Variants in LYRM4 observed in about 807,000 individuals in gnomAD.
The protein encoded by LYRM4 is LYR motif-containing protein 4.
Under a neutral mutation model 11.7 loss-of-function variants are expected in LYRM4, and 9 were observed. The ratio of observed to expected loss-of-function variants is 0.77; its 90% confidence interval spans 0.46 to 1.34. The LOEUF (loss-of-function observed/expected upper bound fraction) is 1.34. LYRM4 is among the 40% of genes most tolerant of loss of function. LYRM4 has a pLI of 0.00. For missense variants in LYRM4, 133 were observed against 112.5 expected, an observed-to-expected ratio of 1.18 and a Z score of -0.82; for synonymous variants, 42 against 40.4, an observed-to-expected ratio of 1.04 and a Z score of -0.15.
chr6:5,195,830 G>A (rs1761020566), intron 2 of LYRM4, among the ~76,000 whole-genome samples: 1 of 152,130 alleles, frequency 6.6e-6, no homozygotes, highest in East Asian at 1.9e-4. Context: ...TAAGCTGCAT[G>A]AGGGCAGGGG....
At chr6:5,177,410 G>C (rs1213410902) in intron 2 of LYRM4, among the ~76,000 whole-genome samples, 1 of 152,184 alleles carries the variant, frequency 6.6e-6, no homozygotes, top group Non-Finnish European at 1.5e-5. Flanking sequence ...AGCCTACCCA[G>C]CTCTCCGGGA....
At chr6:5,098,527 C>T in the LYRM4 span, among the ~76,000 whole-genome samples, 1 of 152,230 alleles carries the variant, frequency 6.6e-6, no homozygotes, top group Non-Finnish European at 1.5e-5. Context: ...ACCAGAACAA[C>T]CCCATGATCC....
At chr6:5,174,229 T>C (rs545119880) in intron 2 of LYRM4, among the ~76,000 whole-genome samples, 1 of 152,288 alleles carries the variant, frequency 6.6e-6, no homozygotes, top group East Asian at 1.9e-4. Flanking sequence ...TGTTTAGAGC[T>C]TACAACGCAT....
At chr6:5,226,593 T>C (rs991479803) in intron 1 of LYRM4, among the ~76,000 whole-genome samples, 8 of 152,124 alleles carry the variant, frequency 5.3e-5, no homozygotes, top group African/African-American at 1.9e-4. Flanking sequence ...GTCAAGCTGG[T>C]CTCAAACTCC....
At chr6:5,147,702 C>T (rs763894030) in intron 2 of LYRM4, among the ~76,000 whole-genome samples, 1 of 152,196 alleles carries the variant, frequency 6.6e-6, no homozygotes, top group Non-Finnish European at 1.5e-5. Flanking sequence ...CATGTAGAGA[C>T]GTCCATCTCC....
chr6:5,063,355 T>G, the LYRM4 span, among the ~76,000 whole-genome samples: 1 of 151,758 alleles, frequency 6.6e-6, no homozygotes, highest in Non-Finnish European at 1.5e-5. Context: ...TCTGGGGAGA[T>G]TGGAGTCCCT....
chr6:5,086,631 G>A, the LYRM4 span: 1 of 1,260,692 alleles, frequency 7.9e-7, no homozygotes, highest in Non-Finnish European at 1.1e-6. Flanking sequence ...GCCGCCTCAA[G>A]GAACTTGCTG....
At chr6:5,230,864 G>A (rs1763197014) in intron 1 of LYRM4, among the ~76,000 whole-genome samples, 1 of 152,154 alleles carries the variant, frequency 6.6e-6, no homozygotes, top group Non-Finnish European at 1.5e-5. Flanking sequence ...TTCTGGACAC[G>A]TCATCAAGGA....
At chr6:5,108,324 G>A (rs756837334), downstream of LYRM4, 3 of 473,378 alleles carry the variant, frequency 6.3e-6, no homozygotes, top group Non-Finnish European at 8.3e-6. Flanking sequence ...ACAAGAAACC[G>A]CTCTGCCAGG....
chr6:5,166,096 G>A (rs563675995), intron 2 of LYRM4, among the ~76,000 whole-genome samples: 5 of 152,136 alleles, frequency 3.3e-5, no homozygotes, highest in African/African-American at 4.8e-5. Flanking sequence ...CATGAGAATA[G>A]CAAGTGCCGT....
the LYRM4 span, among the ~76,000 whole-genome samples, chr6:5,071,532 T>TTATA: frequency 0.012 from 1,831 of 150,884 alleles, 21 homozygotes; most frequent in Middle Eastern, 0.038. Flanking sequence ...ATGATAAACT[T>TTATA]TATATATATA....
chr6:5,064,011 C>T, the LYRM4 span, among the ~76,000 whole-genome samples: 5 of 152,232 alleles, frequency 3.3e-5, no homozygotes, highest in East Asian at 1.9e-4. Context: ...GTGAGGTTCA[C>T]GGCTGAGTTC....
At chr6:5,090,043 A>ACACACACACAC in the LYRM4 span, among the ~76,000 whole-genome samples, 2 of 143,902 alleles carry the variant, frequency 1.4e-5, no homozygotes, top group African/African-American at 2.5e-5. The surrounding 1 kb of genome is among the most constrained non-coding windows in gnomAD (Gnocchi z 4.8). Flanking sequence ...CACACACACC[A>ACACACACACAC]CACACACACC....
the LYRM4 span, among the ~76,000 whole-genome samples, chr6:5,050,934 C>T: frequency 2.6e-5 from 4 of 151,898 alleles, no homozygotes; most frequent in East Asian, 1.9e-4. Flanking sequence ...AAGATGTAGA[C>T]AAAAGTCAAG....
chr6:5,230,913 C>T (rs1763199370), intron 1 of LYRM4, among the ~76,000 whole-genome samples: 1 of 152,170 alleles, frequency 6.6e-6, no homozygotes, highest in Non-Finnish European at 1.5e-5. Flanking sequence ...AATTCTCCCT[C>T]CCCCTTCCTA....
chr6:5,045,074 A>G, the LYRM4 span, among the ~76,000 whole-genome samples: 2 of 152,196 alleles, frequency 1.3e-5, no homozygotes, highest in African/African-American at 4.8e-5. Flanking sequence ...TCGTGACTCA[A>G]CATCCGGTTG....
chr6:5,130,687 G>A (rs1763912210), intron 2 of LYRM4, among the ~76,000 whole-genome samples: 1 of 152,140 alleles, frequency 6.6e-6, no homozygotes. Flanking sequence ...AAAACAACTA[G>A]TCAGCAATAA....
chr6:5,135,780 T>TA (rs1369900692), intron 2 of LYRM4, among the ~76,000 whole-genome samples: 6 of 152,224 alleles, frequency 3.9e-5, no homozygotes, highest in Non-Finnish European at 8.8e-5. Context: ...TTTATCATTT[T>TA]ATTCATTTTA....
At chr6:5,107,244 C>T (rs1158403870), downstream of LYRM4, 1 of 152,272 alleles carries the variant, frequency 6.6e-6, no homozygotes, top group Non-Finnish European at 1.5e-5. Flanking sequence ...GCTGTTACAG[C>T]CTGCAGCCCA....
Sources: gnomAD v4.1 joint callset for allele counts (sites outside exome capture counted in the v4.1 genomes callset) on GRCh38, gnomAD v4.1.1 for gene constraint, Gnocchi (gnomAD v3.1) non-coding constraint, MANE v1.5 for transcripts, NCBI Gene and HGNC (gene_info 2026-07-23, HGNC 2026-07-21) for gene names.